The following CEP112 variants were observed in gnomAD, a reference collection of about 807,000 sequenced individuals.
The protein encoded by CEP112 is centrosomal protein of 112 kDa.
Under a neutral mutation model 153.0 loss-of-function variants are expected in CEP112, and 127 were observed. The ratio of observed to expected loss-of-function variants is 0.83; its 90% confidence interval spans 0.72 to 0.96. The LOEUF (loss-of-function observed/expected upper bound fraction) is 0.96. Ranked by LOEUF, CEP112 falls within the 40% of genes least tolerant of loss-of-function variation. The pLI, the probability that CEP112 is intolerant of heterozygous loss-of-function variation, is 0.00. For missense variants in CEP112, 1,089 were observed against 1,101.2 expected (o/e 0.99, Z 0.16); for synonymous variants, 358 against 374.4 (o/e 0.96, Z 0.51).
chr17:65,685,389 G>A (rs1027455390), intron 24 of CEP112, among the ~76,000 whole-genome samples: 5 of 152,144 alleles, frequency 3.3e-5, no homozygotes, highest in Non-Finnish European at 7.4e-5. Context: ...GCTTAGGATT[G>A]TCTTTTGTAA....
intron 24 of CEP112, among the ~76,000 whole-genome samples, chr17:65,680,218 C>G (rs548058466): frequency 3.9e-5 from 6 of 152,154 alleles, no homozygotes; most frequent in African/African-American, 1.2e-4. Context: ...AGCTGAGGGC[C>G]CAGAGAAGCC....
intron 4 of CEP112, among the ~76,000 whole-genome samples, chr17:66,146,219 A>G (rs1223374794): frequency 6.6e-6 from 1 of 152,066 alleles, no homozygotes; most frequent in Non-Finnish European, 1.5e-5. Flanking sequence ...TAAAAGCCTT[A>G]AAGAATTCAC....
intron 18 of CEP112, among the ~76,000 whole-genome samples, chr17:65,950,819 C>T (rs1228771922): frequency 6.6e-6 from 1 of 151,856 alleles, no homozygotes; most frequent in Non-Finnish European, 1.5e-5. Context: ...TTGCCTTGTT[C>T]TTAGGAGGAA....
At chr17:66,029,395 T>C (rs2065365139) in intron 13 of CEP112, 143 bp from the exon 14 acceptor site, 1 of 740,746 alleles carries the variant, frequency 1.3e-6, no homozygotes, top group South Asian at 1.9e-5. Flanking sequence ...CTTCTAAACA[T>C]TCTGCTTATG....
intron 19 of CEP112, among the ~76,000 whole-genome samples, chr17:65,919,899 C>A: frequency 6.6e-6 from 1 of 152,108 alleles, no homozygotes; most frequent in East Asian, 1.9e-4. Flanking sequence ...CGCGGGAGTG[C>A]ATTTAGAGTG....
At chr17:65,841,325 GA>G (rs2057508421) in intron 21 of CEP112, among the ~76,000 whole-genome samples, 1 of 152,110 alleles carries the variant, frequency 6.6e-6, no homozygotes, top group South Asian at 2.1e-4. Context: ...GCTATAAAAA[GA>G]ATGAAATTCT....
rs1408781374 is a variant in CEP112, at chr17:65,750,742, A to C, written c.2395-18T>G. On this transcript the variant is annotated intron_variant, in intron 21 of 26. Transcript: ENST00000535342. ...CTGTTGGCCTGAAAAACACATGTAC[A>C]TGAACACATACACAGTGACCTGTGA... 1 of 1,611,550 alleles carries C rather than the reference A, an allele frequency of 6.2e-7. No homozygotes were observed. Among genetic ancestry groups the C allele is most frequent in the East Asian group, 2.2e-5 (1 of 44,862 alleles).
chr17:65,781,812 G>A (rs2054012140), intron 21 of CEP112, among the ~76,000 whole-genome samples: 1 of 152,128 alleles, frequency 6.6e-6, no homozygotes, highest in Non-Finnish European at 1.5e-5. Context: ...GCCATATGCA[G>A]AAGAATGAAA....
At chr17:65,693,199 C>T (rs1002335568) in intron 23 of CEP112, among the ~76,000 whole-genome samples, 4 of 152,098 alleles carry the variant, frequency 2.6e-5, no homozygotes, top group Non-Finnish European at 5.9e-5. Context: ...CTTGCCTTCA[C>T]CTGCAGAACC....
chr17:65,806,292 G>A (rs575540613), intron 21 of CEP112, among the ~76,000 whole-genome samples: 8 of 152,072 alleles, frequency 5.3e-5, no homozygotes, highest in Admixed American at 3.3e-4. Flanking sequence ...GAGAAAAAAG[G>A]TAGTGTACAA....
intron 21 of CEP112, among the ~76,000 whole-genome samples, chr17:65,755,417 C>T (rs1421026): frequency 0.42 from 63,110 of 151,944 alleles, 13,621 homozygotes; most frequent in East Asian, 0.69. Context: ...CCACCAGGCC[C>T]CACATCCAAC....
intron 21 of CEP112, among the ~76,000 whole-genome samples, chr17:65,781,958 T>A (rs190817046): frequency 1.3e-5 from 2 of 152,300 alleles, no homozygotes; most frequent in East Asian, 3.9e-4. Flanking sequence ...AAATAATTTA[T>A]GAATAAGTCT....
rs2062797627 is a variant in CEP112, at chr17:65,971,427, G to A, written c.1737-9829C>T. On this transcript the variant is annotated intron_variant, in intron 17 of 26. Coordinates refer to ENST00000535342, the MANE Select transcript of CEP112 (RefSeq NM_001199165.4). Reference sequence around the variant, plus strand: ...ATTGCACCCATGCAGCATGCTGCATGCATGTTACATGGATGCCGCATGCAT... The same window carrying A: ...ATTGCACCCATGCAGCATGCTGCATACATGTTACATGGATGCCGCATGCAT... Among the ~76,000 whole-genome samples, 4 of 152,126 alleles carry A rather than the reference G, an allele frequency of 2.6e-5. No individual in the cohort carries two copies. The South Asian group carries it at 8.3e-4, about 31-fold the overall frequency.
Position 66,183,291 on chromosome 17 carries a change from C to T in CEP112, c.9G>A (p.Val3=). Residue 3 remains valine, a synonymous_variant, in exon 2 of 27, where the codon GTG becomes GTA. Transcript: ENST00000535342. ME[V]GSEEEKWEKL... is the part of the protein sequence containing the mutation. Reference sequence around the variant, plus strand: ...TCTCCCATTTTTCTTCTTCACTTCCCACTTCCATAATCCAATCTGTAAAAG... The same window carrying T: ...TCTCCCATTTTTCTTCTTCACTTCCTACTTCCATAATCCAATCTGTAAAAG... 1 of 1,609,172 alleles carries T rather than the reference C, an allele frequency of 6.2e-7. No individual in the cohort carries two copies. The highest frequency in any genetic ancestry group is 2.2e-5 in the East Asian group (1 of 44,748).
At chr17:65,902,006 G>GGGAAAAAAAAAAAAAA in intron 20 of CEP112, 146 bp downstream of exon 20, 11 of 243,076 alleles carry the variant, frequency 4.5e-5, no homozygotes, top group South Asian at 1.2e-4. Flanking sequence ...GGGTGGGGGG[G>GGGAAAAAAAAAAAAAA]AGAAAAACAA....
At position 65,902,330 on chromosome 17, in the gene CEP112, A is replaced by G. The variant is rs144307988; in HGVS notation, c.1985T>C (p.Val662Ala). ...CTGTTCATGCTCCAGCTTCAGCTCTACTATCTGATTGGACAATGAGGAGGA... is the reference window on the plus strand; with the variant it reads ...CTGTTCATGCTCCAGCTTCAGCTCTGCTATCTGATTGGACAATGAGGAGGA... ...DIRQRYEQQI[V>A]ELKLEHEQEK... The change falls in exon 20 of 27, where the codon GTA (valine) becomes GCA (alanine). Residue 662 changes from valine to alanine, a missense_variant. Transcript: ENST00000535342. 314 of 1,612,344 alleles carry G rather than the reference A, an allele frequency of 1.9e-4. No homozygotes were observed. In the African/African-American group the frequency reaches 3.5e-3, roughly 18 times the overall value.
intron 4 of CEP112, among the ~76,000 whole-genome samples, chr17:66,153,881 G>A (rs1299383160): frequency 6.6e-6 from 1 of 152,014 alleles, no homozygotes; most frequent in Non-Finnish European, 1.5e-5. Context: ...TGGTGCCAAG[G>A]GCCGGGTGTG....
intron 12 of CEP112, among the ~76,000 whole-genome samples, chr17:66,047,345 G>C (rs1412212723): frequency 6.6e-6 from 1 of 152,186 alleles, no homozygotes; most frequent in Non-Finnish European, 1.5e-5. Flanking sequence ...TCGAACTCCT[G>C]ACCTCAAGTG....
intron 21 of CEP112, among the ~76,000 whole-genome samples, chr17:65,802,986 C>A (rs2055370145): frequency 6.6e-6 from 1 of 152,230 alleles, no homozygotes; most frequent in South Asian, 2.1e-4. Flanking sequence ...CACTTGAAAT[C>A]TAAGGCTAAG....
Sources: allele counts gnomAD v4.1 joint callset (sites outside exome capture counted in the v4.1 genomes callset), GRCh38; gene constraint gnomAD v4.1.1; transcripts MANE v1.5; gene names NCBI Gene and HGNC (gene_info 2026-07-23, HGNC 2026-07-21).